Variants in PARVB observed in about 807,000 individuals in gnomAD.
PARVB encodes beta-parvin.
Under a neutral mutation model 47.0 loss-of-function variants are expected in PARVB, and 46 were observed. The observed-to-expected ratio is 0.98, with a 90% CI of 0.77 to 1.25. The LOEUF (loss-of-function observed/expected upper bound fraction) is 1.25. Among genes scored for constraint, PARVB ranks in the 50% most tolerant of loss-of-function variants. The pLI is 0.00. For missense variants in PARVB, 473 were observed against 471.6 expected (o/e 1.00, Z -0.03); for synonymous variants, 196 against 196.3 (o/e 1.00, Z 0.01).
chr22:44,024,799 C>G (rs2050701825), intron 1 of PARVB, among the ~76,000 whole-genome samples: 1 of 152,130 alleles, frequency 6.6e-6, no homozygotes, highest in Admixed American at 6.5e-5. Flanking sequence ...GGTGACCGTT[C>G]ATTCCATGAG....
Position 44,026,319 on chromosome 22 carries a change from C to T in PARVB, c.112+1868C>T, listed in dbSNP as rs375717153. The T allele has an allele frequency of 3.7e-4, 367 of 985,410 alleles. 3 individuals are homozygous for T. The Middle Eastern group carries it at 0.022, about 59-fold the overall frequency. The allele number at this position is 985,410 out of a possible 1,614,324, so 61.0% of individuals were successfully genotyped here. A position where few individuals can be genotyped will look rare whatever the true frequency, so the allele number is the denominator to read the frequency against. On this transcript the variant is annotated intron_variant, in intron 1 of 12. Coordinates refer to ENST00000338758, the MANE Select transcript of PARVB (RefSeq NM_013327.5). ...AGCATCCTGTGCTGAATAGAACGGG[C>T]GTGGAGGCAGGAGGAGGAGCAGGAC...
intron 12 of PARVB, 126 bp from the exon 13 acceptor site, chr22:44,168,476 T>C: frequency 1.4e-6 from 1 of 697,420 alleles, no homozygotes. Context: ...GTGGCCAGTC[T>C]TTAAGGGGAA....
At chr22:44,030,127 A>G (rs557724883) in intron 1 of PARVB, among the ~76,000 whole-genome samples, 1 of 152,346 alleles carries the variant, frequency 6.6e-6, no homozygotes, top group African/African-American at 2.4e-5. Flanking sequence ...AAGACGCACC[A>G]GTGAAGGGAG....
upstream of PARVB, among the ~76,000 whole-genome samples, chr22:44,023,691 C>T (rs892074075): frequency 2.0e-5 from 3 of 152,204 alleles, no homozygotes; most frequent in African/African-American, 7.2e-5. Flanking sequence ...CTCTCCCCTC[C>T]CTGGCACCCC....
At chr22:44,029,805 G>T (rs957897110) in intron 1 of PARVB, among the ~76,000 whole-genome samples, 1 of 152,136 alleles carries the variant, frequency 6.6e-6, no homozygotes, top group Admixed American at 6.5e-5. Context: ...AGCTACTCAG[G>T]AGGCTGAGGC....
chr22:44,053,421 T>G (rs779738285), intron 1 of PARVB, among the ~76,000 whole-genome samples: 1 of 152,150 alleles, frequency 6.6e-6, no homozygotes, highest in East Asian at 1.9e-4. Context: ...GATGGGCATT[T>G]AAAGGATTCG....
intron 2 of PARVB, among the ~76,000 whole-genome samples, chr22:44,003,320 A>C (rs2050431332): frequency 6.6e-6 from 1 of 152,224 alleles, no homozygotes; most frequent in Non-Finnish European, 1.5e-5. Flanking sequence ...TTTCCCTGAA[A>C]TACTGAGCGG....
chr22:44,146,030 A>G (rs1287029664), intron 8 of PARVB: 3 of 152,178 alleles, frequency 2.0e-5, no homozygotes, highest in Non-Finnish European at 2.9e-5. Flanking sequence ...ATTTTGGTCA[A>G]TGTTGGTCTT....
intron 1 of PARVB, among the ~76,000 whole-genome samples, chr22:44,057,346 T>C (rs2051334376): frequency 6.6e-6 from 1 of 152,196 alleles, no homozygotes; most frequent in Non-Finnish European, 1.5e-5. Context: ...TATTTGGTTC[T>C]AGAACTAATG....
chr22:44,101,646 G>A (rs556453509), intron 3 of PARVB, among the ~76,000 whole-genome samples: 1 of 150,934 alleles, frequency 6.6e-6, no homozygotes, highest in South Asian at 2.1e-4. Flanking sequence ...ACCTACTCGG[G>A]AGGCTGAGGC....
exon 2 of PARVB, chr22:43,999,563 C>A: frequency 6.2e-7 from 1 of 1,609,014 alleles, no homozygotes; most frequent in South Asian, 1.1e-5. Flanking sequence ...CGTGGGTGTT[C>A]CTGCAGCTGG....
chr22:44,025,399 G>T (rs2050712350), intron 1 of PARVB, among the ~76,000 whole-genome samples: 2 of 152,132 alleles, frequency 1.3e-5, no homozygotes, highest in Non-Finnish European at 2.9e-5. Context: ...TATTCCTAGG[G>T]ATGTGTGTGC....
rs765049585 is a variant in PARVB, at chr22:44,168,724, G to C, written c.*46G>C. 1 of 1,347,908 alleles carries C rather than the reference G, an allele frequency of 7.4e-7. No homozygotes were observed. The highest frequency in any genetic ancestry group is 1.1e-6 in the Non-Finnish European group (1 of 937,792). 83.5% of individuals were successfully genotyped at this position (1,347,908 alleles called of 1,614,324 possible). A position where few individuals can be genotyped will look rare whatever the true frequency, so the allele number is the denominator to read the frequency against. On this transcript the variant is annotated 3_prime_UTR_variant, in exon 13 of 13. Coordinates refer to ENST00000338758, the MANE Select transcript of PARVB (RefSeq NM_013327.5). ...GCAGGAGTGTCCCAGCAAGAAAGGC[G>C]GCATCCGTCTGTGCCCTGTGCCTTT...
Position 44,024,404 on chromosome 22 carries a change from TG to T in PARVB, c.68del (p.Gly23AlafsTer16). The T allele has an allele frequency of 2.4e-6, 3 of 1,251,298 alleles. No homozygotes were observed. The allele number at this position is 1,251,298 out of a possible 1,614,324, so 77.5% of individuals were successfully genotyped here. A position where few individuals can be genotyped will look rare whatever the true frequency, so the allele number is the denominator to read the frequency against. ...PRRMKKDESF[L>X]GKLGGTLARK... ...AGGATGAAGAAGGACGAGTCGTTCC[TG>T]GGCAAGCTGGGCGGCACCCTGGCCA... On this transcript the variant is annotated frameshift_variant, in exon 1 of 13. Coordinates refer to ENST00000338758, the MANE Select transcript of PARVB (RefSeq NM_013327.5). LOFTEE classifies it high-confidence loss of function.
In PARVB at chr22:44,106,137, T is replaced by TG. The variant is rs1335777448; in HGVS notation, c.273+6015dup. On this transcript the variant is annotated intron_variant, in intron 3 of 12. Coordinates refer to ENST00000338758, the MANE Select transcript of PARVB (RefSeq NM_013327.5). ...GAGCCATTGCATGCCCAGCCAGATG[T>TG]GTTTTTTTTTTTTTTTTTTTTTTTT... The TG allele has an allele frequency of 3.5e-3, 458 of 132,072 alleles. 12 individuals are homozygous for TG. Among genetic ancestry groups the TG allele is most frequent in the African/African-American group, 0.013 (426 of 32,964 alleles). 8.2% of individuals were successfully genotyped at this position (132,072 alleles called of 1,614,324 possible). A position where few individuals can be genotyped will look rare whatever the true frequency, so the allele number is the denominator to read the frequency against.
chr22:44,100,012 C>T, intron 2 of PARVB, 41 bp from the exon 3 acceptor site: 1 of 1,555,534 alleles, frequency 6.4e-7, no homozygotes, highest in Non-Finnish European at 8.9e-7. Flanking sequence ...TCCCTGCCAC[C>T]CCCACAATCG....
intron 2 of PARVB, among the ~76,000 whole-genome samples, chr22:44,002,624 G>A (rs1038627609): frequency 3.3e-5 from 5 of 152,124 alleles, no homozygotes; most frequent in African/African-American, 2.4e-5. Context: ...TCTTTCCTGC[G>A]TGGCTGTACA....
rs111362553 is a variant in PARVB at position 44,154,534 on chromosome 22, GGTGTGT to G, written c.843+3001_843+3006del. On this transcript the variant is annotated intron_variant, in intron 10 of 12. Coordinates refer to ENST00000338758, the MANE Select transcript of PARVB (RefSeq NM_013327.5). ...TGTGTGTGGTTTATGTAGTCTGGTG[GGTGTGT>G]GTGTGTGTGTGTGTGTGGTTTATGT... Among the ~76,000 whole-genome samples the G allele has an allele frequency of 3.8e-4, 55 of 145,008 alleles. 1 individual carries two copies. The South Asian group carries it at 0.01, about 27-fold the overall frequency.
chr22:44,118,851 T>G (rs192907992), intron 3 of PARVB, among the ~76,000 whole-genome samples, 187 bp from the exon 4 acceptor site: 5 of 152,010 alleles, frequency 3.3e-5, no homozygotes, highest in Non-Finnish European at 7.4e-5. Context: ...GTGCTTGCCC[T>G]GTCCTTGTGG....
Sources: allele counts gnomAD v4.1 joint callset (sites outside exome capture counted in the v4.1 genomes callset), GRCh38; gene constraint gnomAD v4.1.1; transcripts MANE v1.5; gene names NCBI Gene and HGNC (gene_info 2026-07-23, HGNC 2026-07-21).